EEF2K: variants seen among roughly 807,000 people sequenced by gnomAD.
EEF2K encodes the protein alternative protein EEF2K.
EEF2K carries 70 observed loss-of-function variants against 93.8 expected under a neutral mutation model. The ratio of observed to expected loss-of-function variants is 0.75; its 90% CI spans 0.62 to 0.91. The LOEUF (loss-of-function observed/expected upper bound fraction) is 0.91, where lower values mean the gene tolerates loss of function less well. Ranked by LOEUF, EEF2K falls within the 40% of genes least tolerant of loss-of-function variation. The pLI, the probability that EEF2K is intolerant of heterozygous loss-of-function variation, is 0.00. For synonymous variants in EEF2K, 376 were observed against 380.8 expected (o/e 0.99, Z 0.15); for missense variants, 935 against 972.9 (o/e 0.96, Z 0.52).
At position 22,256,893 on chromosome 16, in the gene EEF2K, C is replaced by T. The variant is rs148891591; in HGVS notation, c.764C>T (p.Pro255Leu). The change falls in exon 7 of 18, where the codon CCG becomes CTG. Residue 255 changes from proline (P) to leucine (L), a missense_variant. By Grantham distance (98) the Pro-to-Leu change is moderately conservative. Transcript: ENST00000263026. Reference sequence around the variant, plus strand: ...CGCGATGACAACATCCGCCTGACGCCGCAGGTGAGGCCGAGCTCACCTCCA... The same window carrying T: ...CGCGATGACAACATCCGCCTGACGCTGCAGGTGAGGCCGAGCTCACCTCCA... Reference protein sequence around the residue: ...FVRDDNIRLTPQAFSHFTFER... With the variant: ...FVRDDNIRLTLQAFSHFTFER... 33 of 1,613,790 alleles carry T rather than the reference C, an allele frequency of 2.0e-5. No homozygotes were observed. Among genetic ancestry groups the T allele is most frequent in the African/African-American group, 8.0e-5 (6 of 74,926 alleles).
intron 5 of EEF2K, 73 bp from the exon 6 acceptor site, chr16:22,251,078 C>T: frequency 1.9e-6 from 3 of 1,548,402 alleles, no homozygotes; most frequent in Non-Finnish European, 2.6e-6. Flanking sequence ...GTCTTGCTGT[C>T]CTGAGGACCA....
At chr16:22,246,849 C>T (rs2047297675) in intron 3 of EEF2K, among the ~76,000 whole-genome samples, 1 of 151,320 alleles carries the variant, frequency 6.6e-6, no homozygotes, top group Non-Finnish European at 1.5e-5. Context: ...ACCAGCCTGG[C>T]CAATGTGATG....
At chr16:22,224,146 G>T (rs532639649) in intron 1 of EEF2K, among the ~76,000 whole-genome samples, 1 of 152,220 alleles carries the variant, frequency 6.6e-6, no homozygotes, top group Admixed American at 6.5e-5. Flanking sequence ...GGCGGAAGTT[G>T]CAGTGAGCCG....
chr16:22,222,589 G>T (rs2047024656), intron 1 of EEF2K, among the ~76,000 whole-genome samples: 1 of 151,400 alleles, frequency 6.6e-6, no homozygotes, highest in African/African-American at 2.4e-5. Context: ...TACGATTCTG[G>T]CTGGGAGCAG....
At chr16:22,221,827 T>G (rs2047014931) in intron 1 of EEF2K, among the ~76,000 whole-genome samples, 1 of 152,186 alleles carries the variant, frequency 6.6e-6, no homozygotes, top group African/African-American at 2.4e-5. Flanking sequence ...TCTAGCACTT[T>G]GGGAGGCCAA....
chr16:22,257,111 T>A (rs1453544026), intron 7 of EEF2K, 142 bp from the exon 8 acceptor site: 22 of 1,456,008 alleles, frequency 1.5e-5, no homozygotes, highest in Non-Finnish European at 2.0e-5. Flanking sequence ...CCTGCCCAAC[T>A]GAAGAGGCCT....
chr16:22,244,127 G>C (rs2047257276), intron 2 of EEF2K, among the ~76,000 whole-genome samples: 1 of 151,720 alleles, frequency 6.6e-6, no homozygotes, highest in Non-Finnish European at 1.5e-5. Context: ...TACTTGGGAG[G>C]CTGAGGCATG....
At chr16:22,240,121 A>C (rs1166686328) in intron 2 of EEF2K, among the ~76,000 whole-genome samples, 1 of 149,528 alleles carries the variant, frequency 6.7e-6, no homozygotes, top group Non-Finnish European at 1.5e-5. Context: ...AAAAAAAAAA[A>C]GGTACAGGGA....
intron 1 of EEF2K, among the ~76,000 whole-genome samples, chr16:22,214,552 G>A (rs928778560): frequency 6.6e-6 from 1 of 151,750 alleles, no homozygotes; most frequent in African/African-American, 2.4e-5. Context: ...GTAGTCCCAG[G>A]TACAATGGAG....
chr16:22,230,585 G>T (rs1285308183), intron 2 of EEF2K, among the ~76,000 whole-genome samples: 5 of 151,818 alleles, frequency 3.3e-5, no homozygotes, highest in African/African-American at 1.2e-4. Flanking sequence ...GCAGTGACAT[G>T]ATCATAGCTC....
rs2046886292 is a variant in EEF2K, at chr16:22,208,601, T to G, written c.-77+1922T>G. ...AACTGTACAGTACTTTTTGGCTGAT[T>G]ACGGATATATCACTGGCTGGGTGTG... On this transcript the variant is annotated intron_variant, in intron 1 of 17. Coordinates refer to ENST00000263026, the MANE Select transcript of EEF2K (RefSeq NM_013302.5). Among the ~76,000 whole-genome samples, 4 of 152,172 alleles carry G rather than the reference T, an allele frequency of 2.6e-5. No individual in the cohort carries two copies. The South Asian group carries it at 8.3e-4, about 32-fold the overall frequency.
At chr16:22,273,865 A>C in intron 16 of EEF2K, 115 bp downstream of exon 16, 1 of 1,466,536 alleles carries the variant, frequency 6.8e-7, no homozygotes, top group Non-Finnish European at 9.1e-7. Context: ...TGACCAGTCC[A>C]GCAACCATGG....
At position 22,283,917 on chromosome 16, in the gene EEF2K, C is replaced by T. The variant is rs1442956056; in HGVS notation, c.2099C>T (p.Ala700Val). 2.5e-6 allele frequency: 4 copies of T among 1,599,722 alleles called. No homozygotes were observed. Among genetic ancestry groups the T allele is most frequent in the East Asian group, 2.2e-5 (1 of 44,484 alleles). Residue 700 changes from alanine (A) to valine (V), a missense_variant, in exon 18 of 18, where the codon GCG becomes GTG. Ala to Val is a moderately conservative substitution (Grantham distance 64). Transcript: ENST00000263026. ...GDLYTQAAEA[A>V]MEAMKGRLAN... is the part of the protein sequence containing the mutation. The stretch of plus-strand genomic sequence containing the variant: ...TTGTATACCCAGGCAGCAGAGGCAG[C>T]GATGGAAGCCATGAAGGGCCGACTG...
rs762339752 is a variant in EEF2K, at chr16:22,250,732, C to A, written c.446+41C>A. 120 of 1,612,394 alleles carry A rather than the reference C, an allele frequency of 7.4e-5. 1 individual carries two copies. In the South Asian group the frequency reaches 1.3e-3, roughly 17 times the overall value. Reference sequence around the variant, plus strand: ...TGGCTCTTGGGGCCCTGCCCAGAGTCCCCCCAGGCTCCTAAGAGCTGAGGC... The same window carrying A: ...TGGCTCTTGGGGCCCTGCCCAGAGTACCCCCAGGCTCCTAAGAGCTGAGGC... On this transcript the variant is annotated intron_variant, in intron 5 of 17. Coordinates refer to ENST00000263026, the MANE Select transcript of EEF2K (RefSeq NM_013302.5).
At chr16:22,230,418 T>A (rs1323098883) in intron 2 of EEF2K, among the ~76,000 whole-genome samples, 1 of 152,214 alleles carries the variant, frequency 6.6e-6, no homozygotes, top group Non-Finnish European at 1.5e-5. Flanking sequence ...CTCGCCATGT[T>A]GCCCAGGCTG....
intron 15 of EEF2K, among the ~76,000 whole-genome samples, chr16:22,269,152 G>A (rs183812418): frequency 2.6e-5 from 4 of 152,192 alleles, no homozygotes; most frequent in Admixed American, 2.6e-4. Flanking sequence ...CACAGTTTTG[G>A]AAGCTAGAAG....
intron 1 of EEF2K, among the ~76,000 whole-genome samples, chr16:22,211,186 T>C (rs371385156): frequency 2.6e-5 from 4 of 152,188 alleles, no homozygotes; most frequent in Non-Finnish European, 5.9e-5. Context: ...CTCACTTTGC[T>C]CCACTCTGTT....
At chr16:22,220,056 A>T (rs550407176) in intron 1 of EEF2K, among the ~76,000 whole-genome samples, 1 of 152,362 alleles carries the variant, frequency 6.6e-6, no homozygotes, top group East Asian at 1.9e-4. Flanking sequence ...GAGTCTGGGA[A>T]ATGTATCCTG....
At chr16:22,247,624 G>C (rs2047308722) in intron 3 of EEF2K, among the ~76,000 whole-genome samples, 1 of 152,166 alleles carries the variant, frequency 6.6e-6, no homozygotes, top group Non-Finnish European at 1.5e-5. Context: ...AACTCAGTCT[G>C]TTACCATTAG....
Sources: gnomAD v4.1 joint callset for allele counts (sites outside exome capture counted in the v4.1 genomes callset) on GRCh38, gnomAD v4.1.1 for gene constraint, MANE v1.5 for transcripts, NCBI Gene and HGNC (gene_info 2026-07-23, HGNC 2026-07-21) for gene names.